Variants in CYP2A7 observed in about 807,000 individuals in gnomAD.
CYP2A7 encodes cytochrome P450 2A7.
CYP2A7 carries 36 observed loss-of-function variants against 42.0 expected under a neutral mutation model. The ratio of observed to expected loss-of-function variants is 0.86; its 90% confidence interval spans 0.66 to 1.13. The LOEUF (loss-of-function observed/expected upper bound fraction) is 1.13, where lower values mean the gene tolerates loss of function less well. Ranked by LOEUF, CYP2A7 falls within the 50% of genes most tolerant of loss-of-function variation. The pLI is 0.00. For synonymous variants in CYP2A7, 260 were observed against 249.5 expected, an observed-to-expected ratio of 1.04 and a Z score of -0.40; for missense variants, 661 against 634.1, an observed-to-expected ratio of 1.04 and a Z score of -0.46.
In CYP2A7 at chr19:40,875,518, G is replaced by T; in HGVS notation, c.*175C>A. The stretch of plus-strand genomic sequence containing the variant: ...CCCTTCCTCTCATCCCAGCTCGGAA[G>T]CACCTTATCAAGGTGAACTGAGCCG... On this transcript the variant is annotated 3_prime_UTR_variant, in exon 9 of 9. Coordinates refer to ENST00000301146, the MANE Select transcript of CYP2A7 (RefSeq NM_000764.3). The T allele has an allele frequency of 1.4e-6, 1 of 700,778 alleles. No homozygotes were observed. Among genetic ancestry groups the T allele is most frequent in the East Asian group, 2.7e-5 (1 of 36,704 alleles). The allele number at this position is 700,778 out of a possible 1,614,324, so 43.4% of individuals were successfully genotyped here. A position where few individuals can be genotyped will look rare whatever the true frequency, so the allele number is the denominator to read the frequency against.
At chr19:40,875,901 AG>A (rs1326923090) in intron 8 of CYP2A7, 27 bp from the exon 9 acceptor site, 1 of 1,493,142 alleles carries the variant, frequency 6.7e-7, no homozygotes, top group Non-Finnish European at 9.0e-7. Flanking sequence ...GGAGGGGTGG[AG>A]GTGAAGCCCA....
rs989333873 is a variant in CYP2A7 at position 40,878,062 on chromosome 19, T to G, written c.832-69A>C. The G allele has an allele frequency of 1.8e-4, 270 of 1,521,454 alleles. 5 individuals carry two copies. Among genetic ancestry groups the G allele is most frequent in the Non-Finnish European group, 2.2e-4 (246 of 1,122,580 alleles). 94.2% of individuals were successfully genotyped at this position (1,521,454 alleles called of 1,614,324 possible). On this transcript the variant is annotated intron_variant, in intron 5 of 8. Transcript: ENST00000301146. Reference sequence around the variant, plus strand: ...CTCAGGGCCCTTCTAGGGCTTTTCCTTTGGATCTACCTCTCTTTGGTCCAG... The same window carrying G: ...CTCAGGGCCCTTCTAGGGCTTTTCCGTTGGATCTACCTCTCTTTGGTCCAG...
intron 8 of CYP2A7, among the ~76,000 whole-genome samples, 176 bp from the exon 9 acceptor site, chr19:40,876,050 G>A (rs561616702): frequency 6.6e-6 from 1 of 151,910 alleles, no homozygotes; most frequent in African/African-American, 2.4e-5. Context: ...TACAAGAGAT[G>A]TAACAATGGT....
chr19:40,875,823 AAGAG>A lies in CYP2A7; in HGVS notation c.1351_1354del (p.Leu451SerfsTer38). 1.3e-6 allele frequency: 2 copies of A among 1,593,376 alleles called. No individual in the cohort carries two copies. The highest frequency in any genetic ancestry group is 1.7e-6 in the Non-Finnish European group (2 of 1,167,140). ...GAAGTTCTGCATGACGGTGGTGAAG[AAGAG>A]AAAGAGCTCCATTCTGGCCAGGCCT... On this transcript the variant is annotated frameshift_variant, in exon 9 of 9. Coordinates refer to ENST00000301146, the MANE Select transcript of CYP2A7 (RefSeq NM_000764.3). LOFTEE classifies it low-confidence loss of function (END_TRUNC).
rs532923946 is a variant in CYP2A7, at chr19:40,879,318, A to G, written c.655-382T>C. ...GTGTCACCTGTCTAGGTATTTAGGC[A>G]TTCAAGTAGGCTTGGTTGGAGACAG... On this transcript the variant is annotated intron_variant, in intron 4 of 8. Transcript: ENST00000301146. Among the ~76,000 whole-genome samples, 664 of 151,120 alleles carry G rather than the reference A, an allele frequency of 4.4e-3. 11 individuals carry two copies. Among genetic ancestry groups the G allele is most frequent in the African/African-American group, 0.015 (626 of 41,302 alleles).
chr19:40,880,846 A>AGAGAGAGG (rs1967661515), intron 2 of CYP2A7, among the ~76,000 whole-genome samples: 3 of 124,334 alleles, frequency 2.4e-5, no homozygotes, highest in South Asian at 2.6e-4. Flanking sequence ...AGAGAGAGAG[A>AGAGAGAGG]GAGAGAGAGA....
chr19:40,881,762 CGAGTGG>C lies in CYP2A7; in HGVS notation c.181-17_181-12del. ...ATAGCACTCACTGAACTGATGGAGG[CGAGTGG>C]GAGTGGTTAGAGGGAGCAGCCCCCA... is the stretch of plus-strand genomic sequence containing the variant. On this transcript the variant is annotated splice_polypyrimidine_tract_variant and intron_variant, in intron 1 of 8. Transcript: ENST00000301146. The C allele has an allele frequency of 6.3e-7, 1 of 1,593,974 alleles. No homozygotes were observed. Among genetic ancestry groups the C allele is most frequent in the Non-Finnish European group, 8.5e-7 (1 of 1,170,578 alleles).
chr19:40,880,182 C>G lies in CYP2A7; in HGVS notation c.556G>C (p.Val186Leu). ...RTVSNVISSI[V>L]FGDRFDYEDK... ...TCATAGTCAAAGCGGTCCCCAAAGA[C>G]AATGGAGCTGATGACATTGGAGACT... is the stretch of plus-strand genomic sequence containing the variant. Residue 186 changes from valine (V) to leucine (L), a missense_variant, in exon 4 of 9, where the codon GTC becomes CTC. By Grantham distance (32) the Val-to-Leu change is conservative. Coordinates refer to ENST00000301146, the MANE Select transcript of CYP2A7 (RefSeq NM_000764.3). 3 of 1,612,922 alleles carry G rather than the reference C, an allele frequency of 1.9e-6. No individual in the cohort carries two copies. The highest frequency in any genetic ancestry group is 2.5e-6 in the Non-Finnish European group (3 of 1,179,268).
At position 40,878,672 on chromosome 19, in the gene CYP2A7, C is replaced by G. The variant is rs568938238; in HGVS notation, c.831+88G>C. 26 of 1,530,214 alleles carry G rather than the reference C, an allele frequency of 1.7e-5. No homozygotes were observed. In the East Asian group the frequency reaches 5.4e-4, roughly 32 times the overall value. 94.8% of individuals were successfully genotyped at this position (1,530,214 alleles called of 1,614,324 possible). A position where few individuals can be genotyped will look rare whatever the true frequency, so the allele number is the denominator to read the frequency against. On this transcript the variant is annotated intron_variant, in intron 5 of 8. Coordinates refer to ENST00000301146, the MANE Select transcript of CYP2A7 (RefSeq NM_000764.3). ...TTATTATGATGAGGGCTAATTTGAA[C>G]GGGTCTGTGTCGTCTGCCCGCCCCA...
At chr19:40,878,169 A>G (rs1056000588) in intron 5 of CYP2A7, among the ~76,000 whole-genome samples, 176 bp from the exon 6 acceptor site, 5 of 151,212 alleles carry the variant, frequency 3.3e-5, no homozygotes, top group Non-Finnish European at 5.9e-5. Context: ...GCTTTGCCCA[A>G]AATGCTCTTT....
chr19:40,881,226 G>T (rs1385076351), intron 2 of CYP2A7, among the ~76,000 whole-genome samples: 3 of 150,772 alleles, frequency 2.0e-5, no homozygotes, highest in East Asian at 1.9e-4. Flanking sequence ...AGTGGAGAGA[G>T]GAGAAACATG....
chr19:40,880,118 C>T lies in CYP2A7; in HGVS notation c.620G>A (p.Gly207Glu). 6.2e-7 allele frequency: 1 copy of T among 1,612,996 alleles called. No homozygotes were observed. The highest frequency in any genetic ancestry group is 8.5e-7 in the Non-Finnish European group (1 of 1,179,248). The change falls in exon 4 of 9, where the codon GGA becomes GAA. Residue 207 changes from glycine to glutamate, a missense_variant. This residue lies in a region of CYP2A7 where 614 missense variants were observed against 552.4 expected (regional missense o/e 1.11). Transcript: ENST00000301146. ...GGAGGTTGACGTGAACTGGAAGATT[C>T]CTAGCATCATGCTCAGCAGTGACAG... ...EFLSLLSMML[G>E]IFQFTSTSTG... is the part of the protein sequence containing the mutation.
At chr19:40,880,269 GT>G in intron 3 of CYP2A7, 25 bp from the exon 4 acceptor site, 2 of 1,611,852 alleles carry the variant, frequency 1.2e-6, no homozygotes, top group East Asian at 4.5e-5. Flanking sequence ...GGAGAAGGGG[GT>G]TGGGGAGAGA....
Position 40,878,940 on chromosome 19 carries a change from G to A in CYP2A7, c.655-4C>T, listed in dbSNP as rs1485262542. 3 of 1,605,238 alleles carry A rather than the reference G, an allele frequency of 1.9e-6. No homozygotes were observed. The highest frequency in any genetic ancestry group is 2.6e-6 in the Non-Finnish European group (3 of 1,174,284). Reference sequence around the variant, plus strand: ...CCGAAGAGAACATCTCATAGAGCTGGGGTTGCAGAGAGAGGATGGGAAGGG... The same window carrying A: ...CCGAAGAGAACATCTCATAGAGCTGAGGTTGCAGAGAGAGGATGGGAAGGG... On this transcript the variant is annotated splice_polypyrimidine_tract_variant and splice_region_variant and intron_variant, in intron 4 of 8. Coordinates refer to ENST00000301146, the MANE Select transcript of CYP2A7 (RefSeq NM_000764.3).
Position 40,875,583 on chromosome 19 carries a change from C to A in CYP2A7, c.*110G>T, listed in dbSNP as rs896603433. 1.3e-6 allele frequency: 2 copies of A among 1,559,286 alleles called. No homozygotes were observed. Among genetic ancestry groups the A allele is most frequent in the Non-Finnish European group, 1.7e-6 (2 of 1,145,250 alleles). On this transcript the variant is annotated 3_prime_UTR_variant, in exon 9 of 9. Transcript: ENST00000301146. ...CTTCCCTCTAGCCACCACGCCCCTT[C>A]CTTTCCCGCATCTTCCCCCCATTCT...
At chr19:40,879,985 G>A in intron 4 of CYP2A7, 99 bp downstream of exon 4, 4 of 1,560,160 alleles carry the variant, frequency 2.6e-6, no homozygotes, top group Middle Eastern at 1.7e-4. Flanking sequence ...AGGGGACACT[G>A]TCTGGAGCGG....
intron 8 of CYP2A7, 136 bp from the exon 9 acceptor site, chr19:40,876,010 T>C: frequency 2.1e-6 from 3 of 1,422,784 alleles, no homozygotes; most frequent in Non-Finnish European, 2.8e-6. Flanking sequence ...CAGAGGAGGC[T>C]CTGATCCTCC....
At chr19:40,881,498 T>A in intron 2 of CYP2A7, 91 bp downstream of exon 2, 1 of 1,584,200 alleles carries the variant, frequency 6.3e-7, no homozygotes, top group Non-Finnish European at 8.6e-7. Context: ...TGCCATAGCC[T>A]CCAGTGGGCA....
chr19:40,880,986 A>G (rs11669113), intron 2 of CYP2A7, among the ~76,000 whole-genome samples: 3 of 148,742 alleles, frequency 2.0e-5, no homozygotes, highest in East Asian at 2.0e-4. Context: ...AGAAAGAGAG[A>G]GATGGAGGAA....
Sources: allele counts gnomAD v4.1 joint callset (sites outside exome capture counted in the v4.1 genomes callset), GRCh38; gene constraint gnomAD v4.1.1; regional missense constraint gnomAD v4.1.1; transcripts MANE v1.5; gene names NCBI Gene and HGNC (gene_info 2026-07-23, HGNC 2026-07-21).